RYR2: variants seen among roughly 807,000 people sequenced by gnomAD.
RYR2 encodes cardiac muscle ryanodine receptor-calcium release channel.
In RYR2, 227 loss-of-function variants were observed where a neutral mutation model predicts 601.1. That is an observed-to-expected ratio of 0.38 (90% CI 0.34 to 0.42). The LOEUF is 0.42. RYR2 is among the 10% of genes least tolerant of loss of function. RYR2 has a pLI of 1.00. For missense variants in RYR2, 4,646 were observed against 6,156.5 expected (o/e 0.75, Z 8.21); for synonymous variants, 2,223 against 2,175.1 (o/e 1.02, Z -0.61).
At chr1:237,329,468 C>T (rs1372385968) in intron 2 of RYR2, among the ~76,000 whole-genome samples, 1 of 151,756 alleles carries the variant, frequency 6.6e-6, no homozygotes, top group East Asian at 1.9e-4. Flanking sequence ...TGGTGAAACC[C>T]CCATCTGTAT....
At position 237,581,438 on chromosome 1, in the gene RYR2, T is replaced by A. The variant is rs74357010; in HGVS notation, c.3599-8355T>A. On this transcript the variant is annotated intron_variant, in intron 29 of 104. Transcript: ENST00000366574. ...CCTCGGGAGAAAACCAGATTATTTT[T>A]GTAATTAAAATAGCTGTATAGCTGT... Among the ~76,000 whole-genome samples the A allele has an allele frequency of 4.6e-5, 7 of 152,260 alleles. No homozygotes were observed. In the East Asian group the frequency reaches 1.4e-3, roughly 29 times the overall value.
chr1:237,135,286 G>C (rs1294896700), intron 1 of RYR2, among the ~76,000 whole-genome samples: 2 of 151,800 alleles, frequency 1.3e-5, no homozygotes, highest in Non-Finnish European at 2.9e-5. Flanking sequence ...AGACTATCTT[G>C]GGGAACAGAA....
At chr1:237,371,372 G>A (rs78594165) in intron 6 of RYR2, among the ~76,000 whole-genome samples, 45 of 151,412 alleles carry the variant, frequency 3.0e-4, no homozygotes, top group African/African-American at 1.0e-3. Flanking sequence ...TCCTAAGCTG[G>A]TCTTGAGCTC....
intron 96 of RYR2, 61 bp from the exon 97 acceptor site, chr1:237,797,976 A>G: frequency 7.0e-7 from 1 of 1,427,742 alleles, no homozygotes; most frequent in Non-Finnish European, 9.6e-7. Flanking sequence ...TTTTATACAC[A>G]CATATAGATG....
chr1:237,118,073 A>G (rs990348403), intron 1 of RYR2, among the ~76,000 whole-genome samples: 1 of 152,166 alleles, frequency 6.6e-6, no homozygotes, highest in African/African-American at 2.4e-5. Flanking sequence ...TTCAATTTTC[A>G]AACTTTGTGG....
In RYR2 at chr1:237,104,112, C is replaced by A. The variant is rs536881264; in HGVS notation, c.48+61543C>A. Among the ~76,000 whole-genome samples the A allele has an allele frequency of 8.6e-4, 131 of 152,228 alleles. 1 individual carries two copies. The highest frequency in any genetic ancestry group is 3.4e-3 in the Middle Eastern group (1 of 294). ...TCCTCTGGACCAGCAAGGGGCTTTC[C>A]TCTCGCCCATCCATCTCCCACCTTT... On this transcript the variant is annotated intron_variant, in intron 1 of 104. Transcript: ENST00000366574.
At chr1:237,275,925 T>C (rs920208431) in intron 2 of RYR2, among the ~76,000 whole-genome samples, 1 of 152,134 alleles carries the variant, frequency 6.6e-6, no homozygotes, top group Non-Finnish European at 1.5e-5. Flanking sequence ...AAAAGACTTT[T>C]CTATCTGAAA....
chr1:237,709,336 A>AT (rs546455898), intron 69 of RYR2, 144 bp from the exon 70 acceptor site: 71 of 675,722 alleles, frequency 1.1e-4, no homozygotes, highest in Admixed American at 1.5e-4. Context: ...TGATGTTTAA[A>AT]TTTTTTTTTA....
intron 1 of RYR2, among the ~76,000 whole-genome samples, chr1:237,128,009 G>A (rs547075719): frequency 1.5e-3 from 227 of 152,316 alleles, no homozygotes; most frequent in East Asian, 8.9e-3. Flanking sequence ...CTGCAATCTC[G>A]GCACTTTGGG....
intron 24 of RYR2, among the ~76,000 whole-genome samples, chr1:237,522,226 G>A (rs942664586): frequency 9.2e-5 from 14 of 152,022 alleles, no homozygotes; most frequent in African/African-American, 3.4e-4. Flanking sequence ...GCTTCCCTGG[G>A]CCATAGCAGA....
chr1:237,434,581 G>A (rs1355391502), intron 12 of RYR2, among the ~76,000 whole-genome samples: 1 of 152,132 alleles, frequency 6.6e-6, no homozygotes, highest in Non-Finnish European at 1.5e-5. Flanking sequence ...AATCATATGT[G>A]TATCCAATCC....
chr1:237,651,371 A>G (rs1682712428), intron 50 of RYR2, 40 bp from the exon 51 acceptor site: 2 of 1,376,012 alleles, frequency 1.5e-6, no homozygotes, highest in Non-Finnish European at 2.0e-6. Context: ...TAGTTTAGAA[A>G]CATTTCTTGG....
chr1:237,564,340 G>A lies in RYR2; in HGVS notation c.3215-2227G>A, dbSNP rs145766774. On this transcript the variant is annotated intron_variant, in intron 27 of 104. Coordinates refer to ENST00000366574, the MANE Select transcript of RYR2 (RefSeq NM_001035.3). ...GGCTAGAGTGTAGTGGCATGGTATC[G>A]GCTCACTGCATCCTCTGCTTCCCGG... 3.1e-3 allele frequency among the ~76,000 whole-genome samples: 468 copies of A among 151,850 alleles called. 2 individuals carry two copies. The highest frequency in any genetic ancestry group is 0.011 in the African/African-American group (443 of 41,378).
At chr1:237,173,891 C>T (rs928929030) in intron 1 of RYR2, among the ~76,000 whole-genome samples, 20 of 152,028 alleles carry the variant, frequency 1.3e-4, no homozygotes, top group African/African-American at 4.6e-4. Flanking sequence ...CCCGTCTCTA[C>T]TAAAAATACG....
At chr1:237,436,765 G>T (rs1022359082) in intron 12 of RYR2, among the ~76,000 whole-genome samples, 1 of 150,796 alleles carries the variant, frequency 6.6e-6, no homozygotes, top group African/African-American at 2.4e-5. Context: ...ATAGACATAC[G>T]GATGATTTTA....
At chr1:237,202,489 C>T (rs1421677713) in intron 1 of RYR2, among the ~76,000 whole-genome samples, 2 of 152,124 alleles carry the variant, frequency 1.3e-5, no homozygotes, top group Non-Finnish European at 2.9e-5. Context: ...CTCACTGCAA[C>T]CTCCACCTCC....
At chr1:237,360,109 C>T (rs1422576614) in intron 4 of RYR2, among the ~76,000 whole-genome samples, 2 of 152,204 alleles carry the variant, frequency 1.3e-5, no homozygotes, top group Admixed American at 6.5e-5. Flanking sequence ...TTTTAACACA[C>T]GACTGCTATT....
chr1:237,812,361 T>C (rs74146903), intron 100 of RYR2, among the ~76,000 whole-genome samples: 1,804 of 152,322 alleles, frequency 0.012, 41 homozygotes, highest in African/African-American at 0.041. Context: ...GGTAAGCACC[T>C]TTCTAGAAAT....
intron 79 of RYR2, among the ~76,000 whole-genome samples, chr1:237,742,013 G>A (rs1050440269): frequency 6.6e-6 from 1 of 152,208 alleles, no homozygotes; most frequent in Non-Finnish European, 1.5e-5. Context: ...TGAGGCAAAT[G>A]TATGAATAAG....
Sources: allele counts gnomAD v4.1 joint callset (sites outside exome capture counted in the v4.1 genomes callset), GRCh38; gene constraint gnomAD v4.1.1; transcripts MANE v1.5; gene names NCBI Gene and HGNC (gene_info 2026-07-23, HGNC 2026-07-21).